The following MMP20 variants were observed in gnomAD, a reference collection of about 807,000 sequenced individuals.
MMP20 encodes matrix metalloproteinase-20.
A neutral mutation model predicts 51.8 loss-of-function variants in MMP20; 50 were observed. That is an observed-to-expected ratio of 0.97 (90% CI 0.77 to 1.22). MMP20 has a LOEUF of 1.22. Among genes scored for constraint, MMP20 ranks in the 50% most tolerant of loss-of-function variants. The probability of loss-of-function intolerance (pLI) is 0.00; values close to 1 mark genes in which losing one functional copy is unlikely to be tolerated. For missense variants in MMP20, 663 were observed against 601.4 expected (o/e 1.10, Z -1.07); for synonymous variants, 244 against 216.2 (o/e 1.13, Z -1.13).
chr11:102,620,230 A>T (rs1400502675), intron 1 of MMP20, among the ~76,000 whole-genome samples: 10 of 152,182 alleles, frequency 6.6e-5, no homozygotes, highest in Non-Finnish European at 1.5e-4. Context: ...GCAAAATATG[A>T]AAGTATGTTT....
In MMP20 at chr11:102,609,081, C is replaced by CG; in HGVS notation, c.666dup (p.Val223ArgfsTer5). The CG allele has an allele frequency of 6.2e-7, 1 of 1,614,058 alleles. No homozygotes were observed. The highest frequency in any genetic ancestry group is 8.5e-7 in the Non-Finnish European group (1 of 1,179,992). ...GCATGGCCAAATTCATGAGCAGCAA[C>CG]GGTAAACAAATTAAAACCTAGACAA... On this transcript the variant is annotated frameshift_variant, in exon 5 of 10. Transcript: ENST00000260228. LOFTEE classifies it high-confidence loss of function.
chr11:102,592,675 T>A (rs1399573312), intron 8 of MMP20, among the ~76,000 whole-genome samples: 3 of 152,244 alleles, frequency 2.0e-5, no homozygotes, highest in Non-Finnish European at 4.4e-5. Context: ...CTGCTTAGAA[T>A]CTGCTTTTGC....
chr11:102,579,890 G>T (rs1859173847), intron 8 of MMP20, among the ~76,000 whole-genome samples: 1 of 151,784 alleles, frequency 6.6e-6, no homozygotes. Context: ...TCAATTCCTT[G>T]GTTCATCAAA....
Position 102,591,339 on chromosome 11 carries a change from T to G in MMP20, c.1247+2100A>C, listed in dbSNP as rs760948634. 2.7e-4 allele frequency among the ~76,000 whole-genome samples: 41 copies of G among 152,228 alleles called. 1 individual carries two copies. Among genetic ancestry groups the G allele is most frequent in the Non-Finnish European group, 2.4e-4 (16 of 68,036 alleles). On this transcript the variant is annotated intron_variant, in intron 8 of 9. Coordinates refer to ENST00000260228, the MANE Select transcript of MMP20 (RefSeq NM_004771.4). Reference sequence around the variant, plus strand: ...CAATTTCAGTCCAATGTTAGGGGCCTTCAGTATTTAAAAAGGAAATTCCCT... The same window carrying G: ...CAATTTCAGTCCAATGTTAGGGGCCGTCAGTATTTAAAAAGGAAATTCCCT...
rs201631473 is a variant in MMP20 at position 102,594,913 on chromosome 11, T to TTC, written c.954-157_954-156insGA. On this transcript the variant is annotated intron_variant, in intron 6 of 9. Coordinates refer to ENST00000260228, the MANE Select transcript of MMP20 (RefSeq NM_004771.4). ...CCTTGTTTTTTTTCTCTTTTCTTTT[T>TTC]TTTTTTTTTTGAGATGGAGTCTTGC... 7.6e-4 allele frequency among the ~76,000 whole-genome samples: 12 copies of TTC among 15,844 alleles called. No homozygotes were observed. The South Asian group carries it at 9.6e-3, about 13-fold the overall frequency. 10.4% of individuals were successfully genotyped at this position (15,844 alleles called of 152,430 possible).
intron 7 of MMP20, among the ~76,000 whole-genome samples, 194 bp from the exon 8 acceptor site, chr11:102,593,789 C>T (rs760782176): frequency 2.6e-4 from 39 of 152,162 alleles, no homozygotes; most frequent in Non-Finnish European, 5.1e-4. Flanking sequence ...AGGCAAAAGT[C>T]CCTAGTTATG....
intron 9 of MMP20, 41 bp downstream of exon 9, chr11:102,578,998 T>C (rs746482081): frequency 7.1e-7 from 1 of 1,403,874 alleles, no homozygotes. Flanking sequence ...AGATTTCTTA[T>C]GATAGTTTTC....
rs1220488213 is a variant in MMP20 at position 102,601,193 on chromosome 11, C to T, written c.953+5342G>A. Among the ~76,000 whole-genome samples, 3 of 25,722 alleles carry T rather than the reference C, an allele frequency of 1.2e-4. 1 individual carries two copies. Among genetic ancestry groups the T allele is most frequent in the East Asian group, 9.4e-4 (1 of 1,066 alleles). 16.9% of individuals were successfully genotyped at this position (25,722 alleles called of 152,430 possible). On this transcript the variant is annotated intron_variant, in intron 6 of 9. Transcript: ENST00000260228. ...TGTCGCCCAGGCTGGAGTGCAGTGG[C>T]GGGATCTCGGCTCACTGCAAGCTCC...
chr11:102,611,201 G>A (rs566181647), intron 3 of MMP20, among the ~76,000 whole-genome samples: 1 of 152,190 alleles, frequency 6.6e-6, no homozygotes, highest in African/African-American at 2.4e-5. Context: ...TATCTGAGGA[G>A]GGTGAGCAAT....
intron 8 of MMP20, among the ~76,000 whole-genome samples, chr11:102,580,252 A>C (rs895691785): frequency 6.6e-6 from 1 of 152,254 alleles, no homozygotes; most frequent in South Asian, 2.1e-4. Context: ...GTGAGTCAGC[A>C]TGACTTGTAT....
intron 6 of MMP20, among the ~76,000 whole-genome samples, chr11:102,597,486 C>T (rs570803832): frequency 1.3e-5 from 2 of 152,132 alleles, no homozygotes; most frequent in East Asian, 1.9e-4. Flanking sequence ...GATTTTGCAC[C>T]CTGGGGGACG....
chr11:102,588,049 A>G (rs1859274217), intron 8 of MMP20, among the ~76,000 whole-genome samples: 2 of 152,078 alleles, frequency 1.3e-5, no homozygotes, highest in Admixed American at 1.3e-4. Context: ...TTTCTTTTGC[A>G]TTAGTAAAAA....
intron 6 of MMP20, among the ~76,000 whole-genome samples, chr11:102,604,076 A>G (rs1859482797): frequency 6.6e-6 from 1 of 151,532 alleles, no homozygotes. Flanking sequence ...AAATGGTATC[A>G]TATGTCTGAC....
Position 102,609,984 on chromosome 11 carries a change from G to C in MMP20, c.570C>G (p.Ala190=). 1 of 1,614,122 alleles carries C rather than the reference G, an allele frequency of 6.2e-7. No homozygotes were observed. The highest frequency in any genetic ancestry group is 8.5e-7 in the Non-Finnish European group (1 of 1,180,018). The change falls in exon 4 of 10, where the codon GCC becomes GCG. Residue 190 remains alanine, a synonymous_variant. Transcript: ENST00000260228. The stretch of plus-strand genomic sequence containing the variant: ...GGCCTTCTCCAGGAGCAAATGCATG[G>C]GCTAGAGTCCCCCGAGGCCCATCGA... ...YPFDGPRGTL[A]HAFAPGEGLG... is the part of the protein sequence containing the mutation.
chr11:102,624,034 G>T (rs1337920649), intron 1 of MMP20, among the ~76,000 whole-genome samples: 1 of 152,242 alleles, frequency 6.6e-6, no homozygotes, highest in South Asian at 2.1e-4. Context: ...CAGCTGTGCT[G>T]TTCATCTGCG....
chr11:102,581,176 ACCAC>A (rs1008147379), intron 8 of MMP20, among the ~76,000 whole-genome samples: 3 of 133,456 alleles, frequency 2.2e-5, no homozygotes, highest in African/African-American at 2.8e-5. Flanking sequence ...ACACGCACAC[ACCAC>A]ACACACACAC....
At position 102,616,933 on chromosome 11, in the gene MMP20, C is replaced by T. The variant is rs199926748; in HGVS notation, c.253G>A (p.Gly85Arg). 1.9e-5 allele frequency: 31 copies of T among 1,614,180 alleles called. No individual in the cohort carries two copies. The East Asian group carries it at 2.9e-4, about 15-fold the overall frequency. ...LQAFFGLQVT[G>R]KLDQTTMNVI... The stretch of plus-strand genomic sequence containing the variant: ...TTCATTGTGGTCTGGTCTAACTTCC[C>T]GGTGACTTGGAGGCCAAAGAACGCT... The change falls in exon 2 of 10, where the codon GGG becomes AGG. Residue 85 changes from glycine (G) to arginine (R), a missense_variant. By Grantham distance (125) the Gly-to-Arg change is moderately radical. Transcript: ENST00000260228.
At chr11:102,592,200 C>G (rs939310347) in intron 8 of MMP20, among the ~76,000 whole-genome samples, 2 of 152,162 alleles carry the variant, frequency 1.3e-5, no homozygotes, top group Non-Finnish European at 1.5e-5. Context: ...CATACTCTGT[C>G]TTGCAGATAT....
chr11:102,610,089 G>A (rs1023278226), intron 3 of MMP20, 59 bp from the exon 4 acceptor site: 35 of 1,586,372 alleles, frequency 2.2e-5, no homozygotes, highest in Middle Eastern at 1.7e-4. Context: ...TCTGAGGGGC[G>A]CATCATATTA....
Sources: allele counts gnomAD v4.1 joint callset (sites outside exome capture counted in the v4.1 genomes callset), GRCh38; gene constraint gnomAD v4.1.1; transcripts MANE v1.5; gene names NCBI Gene and HGNC (gene_info 2026-07-23, HGNC 2026-07-21).